ASAP2: variants seen among roughly 807,000 people sequenced by gnomAD.
ASAP2 encodes ArfGAP with SH3 domain, ankyrin repeat and PH domain 2, also known as arf-GAP with SH3 domain, ANK repeat and PH domain-containing protein 2.
In ASAP2, 45 loss-of-function variants were observed where a neutral mutation model predicts 131.4. The observed-to-expected ratio is 0.34, with a 90% CI of 0.27 to 0.44. ASAP2 has a LOEUF of 0.44. Among genes scored for constraint, ASAP2 ranks in the 20% least tolerant of loss-of-function variants. The pLI is 1.00. For synonymous variants in ASAP2, 510 were observed against 503.0 expected, an observed-to-expected ratio of 1.01 and a Z score of -0.19; for missense variants, 1,011 against 1,297.0, an observed-to-expected ratio of 0.78 and a Z score of 3.39.
intron 6 of ASAP2, among the ~76,000 whole-genome samples, chr2:9,323,575 G>T (rs1451936331): frequency 1.3e-5 from 2 of 152,202 alleles, no homozygotes; most frequent in Non-Finnish European, 2.9e-5. Flanking sequence ...GAGTTCCCTT[G>T]TACCAATGGA....
chr2:9,210,700 G>T (rs1479637932), intron 1 of ASAP2, among the ~76,000 whole-genome samples: 1 of 151,878 alleles, frequency 6.6e-6, no homozygotes, highest in East Asian at 1.9e-4. Flanking sequence ...GACTACAGGT[G>T]CCCGCCACCA....
intron 1 of ASAP2, among the ~76,000 whole-genome samples, chr2:9,271,871 A>G (rs1238151963): frequency 1.3e-5 from 2 of 151,846 alleles, no homozygotes; most frequent in Non-Finnish European, 2.9e-5. Context: ...CATCCACATC[A>G]TTGCAGCTGA....
chr2:9,269,332 T>C (rs1022178184), intron 1 of ASAP2, among the ~76,000 whole-genome samples: 1 of 152,126 alleles, frequency 6.6e-6, no homozygotes, highest in African/African-American at 2.4e-5. Context: ...GTCCTTGCAT[T>C]CATTGGAAAT....
chr2:9,271,082 C>T (rs1246211000), intron 1 of ASAP2, among the ~76,000 whole-genome samples: 2 of 149,730 alleles, frequency 1.3e-5, no homozygotes, highest in Admixed American at 6.6e-5. Context: ...CGTGAGCCAC[C>T]GCGCCCGGCC....
chr2:9,393,550 C>A lies in ASAP2; in HGVS notation c.2587C>A (p.Pro863Thr). The A allele has an allele frequency of 6.3e-7, 1 of 1,590,870 alleles. No individual in the cohort carries two copies. The highest frequency in any genetic ancestry group is 8.5e-7 in the Non-Finnish European group (1 of 1,170,654). The change falls in exon 24 of 28, where the codon CCG (proline) becomes ACG (threonine). Residue 863 changes from proline to threonine, a missense_variant. By Grantham distance (38) the Pro-to-Thr change is conservative. This residue lies in a region of ASAP2 where 652 missense variants were observed against 698.9 expected (regional missense o/e 0.93). Coordinates refer to ENST00000281419, the MANE Select transcript of ASAP2 (RefSeq NM_003887.3). ...CAGCGTAATGGAAGCCTTGAGCCAG[C>A]CGAGCAAGCCTGCCCCGCCTGGGAT... ...TPSVMEALSQ[P>T]SKPAPPGISQ...
At chr2:9,364,295 C>T (rs943056692) in intron 15 of ASAP2, among the ~76,000 whole-genome samples, 1 of 152,058 alleles carries the variant, frequency 6.6e-6, no homozygotes, top group African/African-American at 2.4e-5. Flanking sequence ...ATCACTTGAG[C>T]CCATGAGTTC....
chr2:9,234,377 C>G (rs1663390607), intron 1 of ASAP2, among the ~76,000 whole-genome samples: 1 of 152,142 alleles, frequency 6.6e-6, no homozygotes, highest in South Asian at 2.1e-4. Flanking sequence ...TAGCCAGAGC[C>G]TGTCGCATGG....
At chr2:9,334,377 AT>A (rs1671059052) in intron 7 of ASAP2, among the ~76,000 whole-genome samples, 1 of 150,636 alleles carries the variant, frequency 6.6e-6, no homozygotes, top group African/African-American at 2.5e-5. Context: ...TTTCTTTTCC[AT>A]GTCGCGGTCG....
chr2:9,260,444 A>T (rs1020210990), intron 1 of ASAP2, among the ~76,000 whole-genome samples: 8 of 152,096 alleles, frequency 5.3e-5, no homozygotes, highest in African/African-American at 1.9e-4. Flanking sequence ...ATGCCTAGAG[A>T]TGACCAATTT....
chr2:9,390,965 G>A (rs1284138994), intron 22 of ASAP2, 97 bp from the exon 23 acceptor site: 9 of 1,580,260 alleles, frequency 5.7e-6, no homozygotes, highest in Non-Finnish European at 7.8e-6. Flanking sequence ...TTTCATAAGG[G>A]GGAGGATCAA....
intron 6 of ASAP2, 92 bp from the exon 7 acceptor site, chr2:9,327,734 A>G (rs1670571347): frequency 1.0e-5 from 9 of 888,750 alleles, no homozygotes; most frequent in Non-Finnish European, 1.6e-5. Flanking sequence ...AAGATGCCAA[A>G]GAAGTAGAAG....
intron 1 of ASAP2, among the ~76,000 whole-genome samples, chr2:9,263,282 A>G (rs1665705744): frequency 6.6e-6 from 1 of 152,072 alleles, no homozygotes; most frequent in African/African-American, 2.4e-5. Context: ...ACAGCTCAGT[A>G]ATGTGGGTGT....
intron 2 of ASAP2, among the ~76,000 whole-genome samples, chr2:9,289,482 GAATA>G (rs1318883330): frequency 9.2e-5 from 14 of 152,100 alleles, no homozygotes; most frequent in African/African-American, 3.4e-4. Context: ...CACAATGAAT[GAATA>G]AAAGTAAATG....
At chr2:9,357,118 T>C (rs1672760549) in intron 14 of ASAP2, among the ~76,000 whole-genome samples, 1 of 151,790 alleles carries the variant, frequency 6.6e-6, no homozygotes, top group Admixed American at 6.6e-5. Context: ...GAGTGGACAG[T>C]TGAGAATTAC....
intron 1 of ASAP2, among the ~76,000 whole-genome samples, chr2:9,241,271 T>C (rs1052446138): frequency 6.6e-6 from 1 of 152,278 alleles, no homozygotes; most frequent in Non-Finnish European, 1.5e-5. Flanking sequence ...TAAGTAATGC[T>C]GCAGAATTTT....
At chr2:9,378,365 C>T (rs536450291) in intron 18 of ASAP2, among the ~76,000 whole-genome samples, 60 of 152,206 alleles carry the variant, frequency 3.9e-4, no homozygotes, top group Non-Finnish European at 7.3e-4. Flanking sequence ...TTGAAAATCT[C>T]AAGATTCCCC....
chr2:9,355,970 A>G, intron 12 of ASAP2, 77 bp from the exon 13 acceptor site: 1 of 1,537,640 alleles, frequency 6.5e-7, no homozygotes, highest in South Asian at 1.1e-5. Context: ...CCAGAGGCTA[A>G]TTAGAAACTA....
At chr2:9,351,311 T>G (rs75042501) in intron 12 of ASAP2, among the ~76,000 whole-genome samples, 1,857 of 152,314 alleles carry the variant, frequency 0.012, 35 homozygotes, top group African/African-American at 0.043. Context: ...CTTCAACAGG[T>G]CCCTTGAAAC....
intron 1 of ASAP2, among the ~76,000 whole-genome samples, chr2:9,270,217 G>A (rs944421206): frequency 2.0e-5 from 3 of 152,082 alleles, no homozygotes; most frequent in African/African-American, 4.8e-5. Flanking sequence ...GGGTCTCTTC[G>A]GTTCTTGCCT....
Sources: gnomAD v4.1 joint callset for allele counts (sites outside exome capture counted in the v4.1 genomes callset) on GRCh38, gnomAD v4.1.1 for gene constraint, gnomAD v4.1.1 regional missense constraint, MANE v1.5 for transcripts, NCBI Gene and HGNC (gene_info 2026-07-23, HGNC 2026-07-21) for gene names.